PCSK6: variants seen among roughly 807,000 people sequenced by gnomAD.
PCSK6 encodes proprotein convertase subtilisin/kexin type 6, also known as paired basic amino acid cleaving enzyme 4.
In PCSK6, 85 loss-of-function variants were observed where a neutral mutation model predicts 123.3. The observed-to-expected ratio is 0.69, with a 90% CI of 0.58 to 0.83. PCSK6 has a LOEUF of 0.83. Among genes scored for constraint, PCSK6 ranks in the 40% least tolerant of loss-of-function variants. The pLI, the probability that PCSK6 is intolerant of heterozygous loss-of-function variation, is 0.00. For synonymous variants in PCSK6, 508 were observed against 516.0 expected (o/e 0.98, Z 0.21); for missense variants, 1,191 against 1,282.3 (o/e 0.93, Z 1.09).
chr15:101,470,788 G>T (rs1177905982), intron 1 of PCSK6, among the ~76,000 whole-genome samples: 1 of 152,160 alleles, frequency 6.6e-6, no homozygotes, highest in African/African-American at 2.4e-5. Context: ...ACATCCCCGG[G>T]GTTACACAGG....
intron 16 of PCSK6, 88 bp from the exon 17 acceptor site, chr15:101,325,134 G>A (rs1329869097): frequency 2.2e-6 from 2 of 898,206 alleles, no homozygotes; most frequent in East Asian, 2.6e-5. Flanking sequence ...AGGAAACGAA[G>A]GCTTCAGGAG....
At chr15:101,347,054 G>A (rs2040752408) in intron 13 of PCSK6, 1 of 1,231,548 alleles carries the variant, frequency 8.1e-7, no homozygotes, top group Non-Finnish European at 1.0e-6. Context: ...AGTGTGTATG[G>A]TGACTGTTTG....
chr15:101,396,054 G>A (rs2042403301), intron 7 of PCSK6, among the ~76,000 whole-genome samples: 1 of 152,146 alleles, frequency 6.6e-6, no homozygotes, highest in African/African-American at 2.4e-5. Flanking sequence ...AATGTGGTTT[G>A]GTTTGAGATC....
intron 11 of PCSK6, among the ~76,000 whole-genome samples, chr15:101,371,600 C>T (rs1596248663): frequency 6.6e-6 from 1 of 152,210 alleles, no homozygotes; most frequent in Non-Finnish European, 1.5e-5. Flanking sequence ...CTGAGAATTT[C>T]CAAGGATTAA....
chr15:101,321,450 T>G lies in PCSK6; in HGVS notation c.2465+1070A>C, dbSNP rs574639256. ...GTAGCATAGTGCCTCCTGGGGAAACTTCATCTCCCCTGTTTGTAAAATGCG... is the reference window on the plus strand; with the variant it reads ...GTAGCATAGTGCCTCCTGGGGAAACGTCATCTCCCCTGTTTGTAAAATGCG... On this transcript the variant is annotated intron_variant, in intron 18 of 21. Coordinates refer to ENST00000611716, the MANE Select transcript of PCSK6 (RefSeq NM_002570.5). Among the ~76,000 whole-genome samples the G allele has an allele frequency of 3.9e-4, 60 of 152,328 alleles. 1 individual carries two copies. The highest frequency in any genetic ancestry group is 2.5e-3 in the Admixed American group (39 of 15,306).
chr15:101,444,795 C>T (rs903386874), intron 1 of PCSK6, among the ~76,000 whole-genome samples: 13 of 152,184 alleles, frequency 8.5e-5, no homozygotes, highest in Admixed American at 7.9e-4. Context: ...CATTCATAGC[C>T]ATTTAGTCTG....
rs779157320 is a variant in PCSK6, at chr15:101,318,307, C to T, written c.2569+12G>A. ...GACGCTGGCCCGAGGCCTCCGCAGG[C>T]GGTGAACTCACCCACGCAGGTTCCG... is the stretch of plus-strand genomic sequence containing the variant. On this transcript the variant is annotated intron_variant, in intron 19 of 21. Coordinates refer to ENST00000611716, the MANE Select transcript of PCSK6 (RefSeq NM_002570.5). 158 of 1,545,710 alleles carry T rather than the reference C, an allele frequency of 1.0e-4. No individual in the cohort carries two copies. Among genetic ancestry groups the T allele is most frequent in the Admixed American group, 2.1e-4 (11 of 51,168 alleles).
intron 20 of PCSK6, 78 bp downstream of exon 20, chr15:101,313,298 G>A: frequency 6.2e-7 from 1 of 1,609,742 alleles, no homozygotes; most frequent in Non-Finnish European, 8.5e-7. Context: ...CCCTGGGGAA[G>A]ATGCTGCCAG....
At chr15:101,343,781 C>A (rs2040671284) in intron 13 of PCSK6, among the ~76,000 whole-genome samples, 1 of 152,180 alleles carries the variant, frequency 6.6e-6, no homozygotes, top group Non-Finnish European at 1.5e-5. Flanking sequence ...CATAAATCTT[C>A]CATTCGTGTT....
At chr15:101,337,321 T>G (rs1307951170) in intron 13 of PCSK6, 6 of 152,226 alleles carry the variant, frequency 3.9e-5, no homozygotes, top group African/African-American at 1.4e-4. Context: ...AGTACTTAAA[T>G]GCTTTTTTCA....
intron 16 of PCSK6, 101 bp from the exon 17 acceptor site, chr15:101,325,147 A>G: frequency 1.3e-6 from 1 of 762,898 alleles, no homozygotes; most frequent in East Asian, 2.7e-5. Context: ...TTCAGGAGTG[A>G]ATGTCAAACA....
intron 6 of PCSK6, among the ~76,000 whole-genome samples, chr15:101,400,583 C>G (rs1258597778): frequency 6.6e-6 from 1 of 152,228 alleles, no homozygotes; most frequent in African/African-American, 2.4e-5. Flanking sequence ...GAAGGAGACC[C>G]TGGAGGTGAC....
chr15:101,346,177 C>G (rs1435567205), intron 13 of PCSK6, among the ~76,000 whole-genome samples: 1 of 152,186 alleles, frequency 6.6e-6, no homozygotes, highest in Non-Finnish European at 1.5e-5. Context: ...GTTTCCACCT[C>G]TTATTTATCC....
chr15:101,356,505 C>CAA (rs34350017), intron 13 of PCSK6, among the ~76,000 whole-genome samples: 279 of 86,184 alleles, frequency 3.2e-3, no homozygotes, highest in African/African-American at 6.1e-3. Context: ...ACTAAAACTA[C>CAA]AAAAAAAAAA....
intron 13 of PCSK6, among the ~76,000 whole-genome samples, chr15:101,360,123 C>T (rs1227552505): frequency 3.3e-5 from 5 of 152,202 alleles, no homozygotes; most frequent in African/African-American, 1.2e-4. Flanking sequence ...ACACATCTCT[C>T]GACCCTGCTT....
intron 13 of PCSK6, among the ~76,000 whole-genome samples, chr15:101,355,664 C>A (rs1468464536): frequency 6.6e-6 from 1 of 152,238 alleles, no homozygotes; most frequent in Non-Finnish European, 1.5e-5. Context: ...CATGCAGATG[C>A]CCCTTAGTGC....
intron 7 of PCSK6, among the ~76,000 whole-genome samples, chr15:101,396,183 A>G (rs903564): frequency 0.87 from 131,656 of 152,124 alleles, 57,072 homozygotes; most frequent in East Asian, 0.94. Context: ...AGTATTTCAC[A>G]AAACTGTGAC....
chr15:101,469,046 T>C (rs922093584), intron 1 of PCSK6, among the ~76,000 whole-genome samples: 1 of 152,216 alleles, frequency 6.6e-6, no homozygotes, highest in African/African-American at 2.4e-5. Flanking sequence ...GTTCTCATTT[T>C]GTCACTAGCT....
At chr15:101,420,464 G>T (rs1415733355) in intron 6 of PCSK6, among the ~76,000 whole-genome samples, 1 of 151,888 alleles carries the variant, frequency 6.6e-6, no homozygotes, top group Admixed American at 6.6e-5. Context: ...AGGCTTATGT[G>T]GTCCTCTCAC....
Sources: allele counts gnomAD v4.1 joint callset (sites outside exome capture counted in the v4.1 genomes callset), GRCh38; gene constraint gnomAD v4.1.1; transcripts MANE v1.5; gene names NCBI Gene and HGNC (gene_info 2026-07-23, HGNC 2026-07-21).